Variants in CDH26 observed in about 807,000 individuals in gnomAD.
The protein encoded by CDH26 is cadherin-like protein 26.
A neutral mutation model predicts 90.3 loss-of-function variants in CDH26; 83 were observed. The observed-to-expected ratio is 0.92, with a 90% confidence interval of 0.77 to 1.10. The LOEUF is 1.10. Ranked by LOEUF, CDH26 falls within the 50% of genes least tolerant of loss-of-function variation. CDH26 has a pLI of 0.00. For synonymous variants in CDH26, 397 were observed against 396.3 expected (o/e 1.00, Z -0.02); for missense variants, 1,013 against 1,037.6 (o/e 0.98, Z 0.33).
At position 59,984,813 on chromosome 20, in the gene CDH26, G is replaced by T; in HGVS notation, c.708+8G>T. 1 of 1,594,710 alleles carries T rather than the reference G, an allele frequency of 6.3e-7. No homozygotes were observed. The highest frequency in any genetic ancestry group is 8.5e-7 in the Non-Finnish European group (1 of 1,173,452). On this transcript the variant is annotated splice_region_variant and intron_variant, in intron 6 of 17. Coordinates refer to ENST00000348616, the MANE Select transcript of CDH26 (RefSeq NM_177980.4). ...GGCTGCTTAGATTATGAGGTTATGT[G>T]GATTTTATTATTTTTTTTAAATGAA...
At position 60,031,355 on chromosome 20, in the gene CDH26, C is replaced by CT; in HGVS notation, c.1073dup (p.Gly359TrpfsTer2). The CT allele has an allele frequency of 1.6e-6, 2 of 1,286,730 alleles. No homozygotes were observed. The highest frequency in any genetic ancestry group is 2.6e-5 in the South Asian group (2 of 78,222). The allele number at this position is 1,286,730 out of a possible 1,614,324, so 79.7% of individuals were successfully genotyped here. On this transcript the variant is annotated frameshift_variant, in exon 8 of 9. Transcript: ENST00000370991. LOFTEE classifies it high-confidence loss of function. Reference sequence around the variant, plus strand: ...ATGATGCCACGGAGACTAACGCAGACTGGTAAACGGAAACACGGGGCTTTG... The same window carrying CT: ...ATGATGCCACGGAGACTAACGCAGACTTGGTAAACGGAAACACGGGGCTTTG...
chr20:59,988,249 G>A (rs2061482364), intron 8 of CDH26, among the ~76,000 whole-genome samples: 1 of 152,190 alleles, frequency 6.6e-6, no homozygotes, highest in Non-Finnish European at 1.5e-5. Flanking sequence ...GGGGCAGTCT[G>A]ACCCCAGTGC....
Position 59,972,140 on chromosome 20 carries a change from A to G in CDH26, c.393+17A>G. 6.2e-7 allele frequency: 1 copy of G among 1,611,222 alleles called. No individual in the cohort carries two copies. Among genetic ancestry groups the G allele is most frequent in the Non-Finnish European group, 8.5e-7 (1 of 1,178,132 alleles). ...TCTTTCACGGTATCTAAAACTTGAT[A>G]TATTCTAAGCTCGGATTTAAAAGCT... On this transcript the variant is annotated intron_variant, in intron 4 of 17. Coordinates refer to ENST00000348616, the MANE Select transcript of CDH26 (RefSeq NM_177980.4).
intron 8 of CDH26, among the ~76,000 whole-genome samples, chr20:59,988,174 C>T (rs540170385): frequency 2.5e-4 from 38 of 152,252 alleles, no homozygotes; most frequent in South Asian, 1.2e-3. Context: ...GAAACCAAAG[C>T]CCAGAGGGGT....
rs1448445260 is a variant in CDH26 at position 59,989,100 on chromosome 20, A to T, written c.1220A>T (p.Glu407Val). Reference protein sequence around the residue: ...HPQSFIVNKEEGARPGTLLGT... With the variant: ...HPQSFIVNKEVGARPGTLLGT... Reference sequence around the variant, plus strand: ...CAGAGCTTCATTGTCAATAAAGAGGAGGGCGCCAGGCCTGGGACCCTGTTG... The same window carrying T: ...CAGAGCTTCATTGTCAATAAAGAGGTGGGCGCCAGGCCTGGGACCCTGTTG... The change falls in exon 9 of 18, where the codon GAG (glutamate) becomes GTG (valine). Residue 407 changes from glutamate to valine, a missense_variant. Physicochemically the swap from Glu to Val is moderately radical, Grantham distance 121. Transcript: ENST00000348616. 1.9e-6 allele frequency: 3 copies of T among 1,614,058 alleles called. No homozygotes were observed. The highest frequency in any genetic ancestry group is 2.5e-6 in the Non-Finnish European group (3 of 1,180,054).
chr20:59,985,137 T>A lies in CDH26; in HGVS notation c.837+8T>A, dbSNP rs748116760. Reference sequence around the variant, plus strand: ...GCATTTACCCAGGAGAACGTGAGGCTCCTGGGCCGCCCCAACGTCTAAGCC... The same window carrying A: ...GCATTTACCCAGGAGAACGTGAGGCACCTGGGCCGCCCCAACGTCTAAGCC... On this transcript the variant is annotated splice_region_variant and intron_variant, in intron 7 of 17. Coordinates refer to ENST00000348616, the MANE Select transcript of CDH26 (RefSeq NM_177980.4). 6.2e-7 allele frequency: 1 copy of A among 1,609,364 alleles called. No homozygotes were observed. The highest frequency in any genetic ancestry group is 8.5e-7 in the Non-Finnish European group (1 of 1,179,226).
intron 4 of CDH26, among the ~76,000 whole-genome samples, chr20:59,982,690 T>C (rs1441516330): frequency 6.6e-6 from 1 of 152,202 alleles, no homozygotes; most frequent in Non-Finnish European, 1.5e-5. Context: ...ATCATTTTTT[T>C]CCAAGCCAGA....
chr20:59,979,601 C>CT lies in CDH26; in HGVS notation c.394-3279dup, dbSNP rs559969476. 2.4e-3 allele frequency among the ~76,000 whole-genome samples: 114 copies of CT among 47,492 alleles called. 17 individuals are homozygous for CT. Among genetic ancestry groups the CT allele is most frequent in the Non-Finnish European group, 3.7e-3 (91 of 24,672 alleles). The allele number at this position is 47,492 out of a possible 152,430, so 31.2% of individuals were successfully genotyped here. A position where few individuals can be genotyped will look rare whatever the true frequency, so the allele number is the denominator to read the frequency against. On this transcript the variant is annotated intron_variant, in intron 4 of 17. Transcript: ENST00000348616. The stretch of plus-strand genomic sequence containing the variant: ...TGTGGTGAGATAAAGCTGCTATGCA[C>CT]TTTTTTTTTTTTTTTTTTTTTTTTT...
exon 9 of CDH26, chr20:60,033,657 G>T: frequency 7.7e-7 from 1 of 1,304,538 alleles, no homozygotes; most frequent in South Asian, 1.2e-5. Context: ...GGTCACAATT[G>T]CAGGGCTGTC....
chr20:59,992,952 G>A lies in CDH26; in HGVS notation c.1426+432G>A, dbSNP rs2061545967. Among the ~76,000 whole-genome samples the A allele has an allele frequency of 6.6e-6, 1 of 152,036 alleles. No individual in the cohort carries two copies. Among genetic ancestry groups the A allele is most frequent in the South Asian group, 2.1e-4 (1 of 4,820 alleles). On this transcript the variant is annotated intron_variant, in intron 10 of 17. Coordinates refer to ENST00000348616, the MANE Select transcript of CDH26 (RefSeq NM_177980.4). This position sits in a 1 kb window ranked among gnomAD's most constrained non-coding sequence, Gnocchi z 5.0. Reference sequence around the variant, plus strand: ...TGGGTGGTTTTATAAGCCTGTTTCAGCATTTTTCTCTACACTCTCCTAAGG... The same window carrying A: ...TGGGTGGTTTTATAAGCCTGTTTCAACATTTTTCTCTACACTCTCCTAAGG...
At position 60,033,377 on chromosome 20, in the gene CDH26, T is replaced by C. The variant is rs1305839340; in HGVS notation, c.1144-109T>C. The C allele has an allele frequency of 4.1e-6, 5 of 1,224,584 alleles. No individual in the cohort carries two copies. The Admixed American group carries it at 1.4e-4, about 34-fold the overall frequency. 75.9% of individuals were successfully genotyped at this position (1,224,584 alleles called of 1,614,324 possible). A position where few individuals can be genotyped will look rare whatever the true frequency, so the allele number is the denominator to read the frequency against. On this transcript the variant is annotated intron_variant, in intron 8 of 8. Coordinates refer to the CDH26 transcript ENST00000370991. Reference sequence around the variant, plus strand: ...TACACAGGCTGCCTTCCTTCATGCATACATGCACGTGGCAAATACTTATCA... The same window carrying C: ...TACACAGGCTGCCTTCCTTCATGCACACATGCACGTGGCAAATACTTATCA...
chr20:59,979,635 T>TTTTTTTTTTTTTTTTG (rs1216145388), intron 4 of CDH26, among the ~76,000 whole-genome samples: 1 of 83,224 alleles, frequency 1.2e-5, no homozygotes, highest in African/African-American at 4.5e-5. Flanking sequence ...TTTTTTTTTT[T>TTTTTTTTTTTTTTTTG]TTTTTTTTTA....
Position 59,958,702 on chromosome 20 carries a change from C to G in CDH26, c.-25C>G, listed in dbSNP as rs1229544091. 6.2e-7 allele frequency: 1 copy of G among 1,613,040 alleles called. No homozygotes were observed. Among genetic ancestry groups the G allele is most frequent in the Admixed American group, 1.7e-5 (1 of 60,008 alleles). On this transcript the variant is annotated 5_prime_UTR_variant, in exon 1 of 18. Coordinates refer to ENST00000348616, the MANE Select transcript of CDH26 (RefSeq NM_177980.4). Reference sequence around the variant, plus strand: ...GAGGACTGGTCATCAGCTGCACGTTCTGGGTCTGTCTTGGGTATTCCCATA... The same window carrying G: ...GAGGACTGGTCATCAGCTGCACGTTGTGGGTCTGTCTTGGGTATTCCCATA...
At chr20:60,010,648 A>G (rs889611568) in intron 17 of CDH26, among the ~76,000 whole-genome samples, 14 of 152,226 alleles carry the variant, frequency 9.2e-5, no homozygotes, top group African/African-American at 3.1e-4. Context: ...GCAGACAGGA[A>G]TGAGCAGATA....
chr20:59,978,990 C>T (rs1276388256), intron 4 of CDH26, among the ~76,000 whole-genome samples: 1 of 152,016 alleles, frequency 6.6e-6, no homozygotes, highest in African/African-American at 2.4e-5. Flanking sequence ...ATGTATAGTT[C>T]TAAGAGTTTT....
At chr20:60,017,884 G>T (rs1424463468), downstream of CDH26, among the ~76,000 whole-genome samples, 1 of 152,000 alleles carries the variant, frequency 6.6e-6, no homozygotes, top group Admixed American at 6.6e-5. Context: ...TCAGGAGCAT[G>T]TAGCTTAATT....
chr20:60,001,432 C>G, intron 15 of CDH26, 21 bp downstream of exon 15: 1 of 1,612,758 alleles, frequency 6.2e-7, no homozygotes, highest in Non-Finnish European at 8.5e-7. Flanking sequence ...GAAGGTTGCT[C>G]CCTGCTACGG....
At chr20:59,990,964 G>C (rs1912428076) in intron 9 of CDH26, among the ~76,000 whole-genome samples, 1 of 151,884 alleles carries the variant, frequency 6.6e-6, no homozygotes, top group South Asian at 2.1e-4. Flanking sequence ...CCACCTCCCA[G>C]GTTCTTGTGA....
intron 3 of CDH26, among the ~76,000 whole-genome samples, chr20:59,971,709 A>G (rs1296367499): frequency 6.6e-6 from 1 of 152,164 alleles, no homozygotes; most frequent in Non-Finnish European, 1.5e-5. Flanking sequence ...AGGAAGTATC[A>G]TTATATTATT....
Sources: gnomAD v4.1 joint callset for allele counts (sites outside exome capture counted in the v4.1 genomes callset) on GRCh38, gnomAD v4.1.1 for gene constraint, Gnocchi (gnomAD v3.1) non-coding constraint, MANE v1.5 for transcripts, NCBI Gene and HGNC (gene_info 2026-07-23, HGNC 2026-07-21) for gene names.